Variants in LLGL2 observed in about 807,000 individuals in gnomAD.
LLGL2 encodes the protein LLGL scribble cell polarity complex component 2.
LLGL2 carries 81 observed loss-of-function variants against 123.2 expected under a neutral mutation model. That is an observed-to-expected ratio of 0.66 (90% CI 0.55 to 0.79). LLGL2 has a LOEUF of 0.79. Ranked by LOEUF, LLGL2 falls within the 30% of genes least tolerant of loss-of-function variation. LLGL2 has a pLI of 0.00. For synonymous variants in LLGL2, 577 were observed against 594.1 expected (o/e 0.97, Z 0.42); for missense variants, 1,273 against 1,414.6 (o/e 0.90, Z 1.61).
Position 75,558,189 on chromosome 17 carries a change from C to T in LLGL2, c.208C>T (p.His70Tyr), listed in dbSNP as rs1467206018. 1.2e-6 allele frequency: 2 copies of T among 1,613,756 alleles called. No individual in the cohort carries two copies. Among genetic ancestry groups the T allele is most frequent in the East Asian group, 2.2e-5 (1 of 44,876 alleles). The change falls in exon 4 of 26, where the codon CAC (histidine) becomes TAC (tyrosine). Residue 70 changes from histidine to tyrosine, a missense_variant. By Grantham distance (83) the His-to-Tyr change is moderately conservative (BLOSUM62 2). Coordinates refer to ENST00000392550, the MANE Select transcript of LLGL2 (RefSeq NM_001031803.2). This position sits in a 1 kb window ranked among gnomAD's most constrained non-coding sequence, Gnocchi z 4.0. ...CCCAGGCGTGGAGTTCATGGGGCTG[C>T]ACCAGGAGAACAACGCTGTGACGCA... ...GAPGVEFMGL[H>Y]QENNAVTQIH...
intron 6 of LLGL2, among the ~76,000 whole-genome samples, chr17:75,561,797 C>T (rs553285359): frequency 4.2e-4 from 64 of 152,052 alleles, no homozygotes; most frequent in African/African-American, 1.5e-3. Flanking sequence ...TTGTGGGTGC[C>T]TGTAATCCCT....
chr17:75,566,117 G>A (rs905989840), intron 10 of LLGL2, among the ~76,000 whole-genome samples: 1 of 152,254 alleles, frequency 6.6e-6, no homozygotes, highest in African/African-American at 2.4e-5. Flanking sequence ...GACCTGGGGT[G>A]CAGACTGAGC....
intron 10 of LLGL2, among the ~76,000 whole-genome samples, chr17:75,565,379 G>A (rs1407874012): frequency 6.6e-6 from 1 of 152,184 alleles, no homozygotes; most frequent in Admixed American, 6.5e-5. Flanking sequence ...GAGGGGGCGG[G>A]GCTGTTCAGG....
Position 75,573,218 on chromosome 17 carries a change from T to A in LLGL2, c.2665T>A (p.Cys889Ser), listed in dbSNP as rs767683134. ...PLLKPQVRYS[C>S]IRREDVSGIA... is the part of the protein sequence containing the mutation. ...GCTCAAGCCCCAGGTGCGCTACAGC[T>A]GCATCCGCCGGGAGGACGTCAGTGG... Residue 889 changes from cysteine (C) to serine (S), a missense_variant, in exon 20 of 26, where the codon TGC becomes AGC. Physicochemically the swap from Cys to Ser is moderately radical, Grantham distance 112. Transcript: ENST00000392550. 1 of 1,611,566 alleles carries A rather than the reference T, an allele frequency of 6.2e-7. No individual in the cohort carries two copies. Among genetic ancestry groups the A allele is most frequent in the Non-Finnish European group, 8.5e-7 (1 of 1,178,790 alleles).
chr17:75,554,759 G>T (rs1419284549), intron 2 of LLGL2, among the ~76,000 whole-genome samples: 1 of 149,782 alleles, frequency 6.7e-6, no homozygotes, highest in Non-Finnish European at 1.5e-5. Flanking sequence ...CGTGGTGGCG[G>T]GCGCCTGTAG....
At chr17:75,536,538 G>A (rs1291269375) in intron 1 of LLGL2, among the ~76,000 whole-genome samples, 1 of 152,212 alleles carries the variant, frequency 6.6e-6, no homozygotes, top group African/African-American at 2.4e-5. Context: ...GCGGTGGCTG[G>A]AGAGGAGCCC....
intron 1 of LLGL2, among the ~76,000 whole-genome samples, chr17:75,528,653 G>A (rs898446861): frequency 1.3e-5 from 2 of 151,768 alleles, no homozygotes; most frequent in East Asian, 2.0e-4. Flanking sequence ...CAGGAGAATC[G>A]CTTGAACCTG....
chr17:75,571,044 A>C lies in LLGL2; in HGVS notation c.2120A>C (p.Asp707Ala). ...AAGATCGAGGCTCGCTCGGCAGAGGACTCCTTCACAGGCTTCGTCCGGACC... is the reference window on the plus strand; with the variant it reads ...AAGATCGAGGCTCGCTCGGCAGAGGCCTCCTTCACAGGCTTCGTCCGGACC... ...QRKIEARSAE[D>A]SFTGFVRTLY... Residue 707 changes from aspartate (D) to alanine (A), a missense_variant, in exon 17 of 26, where the codon GAC becomes GCC. By Grantham distance (126) the Asp-to-Ala change is moderately radical. Transcript: ENST00000392550. The C allele has an allele frequency of 4.3e-6, 7 of 1,611,386 alleles. No individual in the cohort carries two copies. Among genetic ancestry groups the C allele is most frequent in the Non-Finnish European group, 5.9e-6 (7 of 1,179,684 alleles).
rs1461095777 is a variant in LLGL2, at chr17:75,549,047, C to T, written c.75+5546C>T. 1.3e-5 allele frequency among the ~76,000 whole-genome samples: 2 copies of T among 152,108 alleles called. No individual in the cohort carries two copies. Among genetic ancestry groups the T allele is most frequent in the Admixed American group, 6.5e-5 (1 of 15,278 alleles). ...AGCTTATCCGGGGCAGGGGCACTGG[C>T]TGGGGTGAGGATGTCCTGGTTTCAC... On this transcript the variant is annotated intron_variant, in intron 2 of 25. Coordinates refer to ENST00000392550, the MANE Select transcript of LLGL2 (RefSeq NM_001031803.2). The surrounding 1 kb of genome is among the most constrained non-coding windows in gnomAD (Gnocchi z 4.0).
In LLGL2 at chr17:75,558,845, CA is replaced by C. The variant is rs2147380752; in HGVS notation, c.371+219del. The C allele has an allele frequency of 2.1e-4, 70 of 328,238 alleles. No homozygotes were observed. The highest frequency in any genetic ancestry group is 3.9e-4 in the South Asian group (10 of 25,666). 20.3% of individuals were successfully genotyped at this position (328,238 alleles called of 1,614,324 possible). Reference sequence around the variant, plus strand: ...CACCACGCCTCCTCCATCCGCACCCCACCTCCTCCATCCGCACCCCGCCTCC... The same window carrying C: ...CACCACGCCTCCTCCATCCGCACCCCCCTCCTCCATCCGCACCCCGCCTCC... On this transcript the variant is annotated intron_variant, in intron 5 of 25. Coordinates refer to ENST00000392550, the MANE Select transcript of LLGL2 (RefSeq NM_001031803.2). This position sits in a 1 kb window ranked among gnomAD's most constrained non-coding sequence, Gnocchi z 4.0.
At chr17:75,531,590 G>C (rs1308625764) in intron 1 of LLGL2, among the ~76,000 whole-genome samples, 1 of 152,242 alleles carries the variant, frequency 6.6e-6, no homozygotes, top group Non-Finnish European at 1.5e-5. Flanking sequence ...CGCCAGGTCT[G>C]CTTGGCAACG....
intron 1 of LLGL2, among the ~76,000 whole-genome samples, chr17:75,535,251 T>A (rs1173813995): frequency 2.6e-5 from 4 of 152,236 alleles, no homozygotes; most frequent in African/African-American, 4.8e-5. Context: ...ACAGCCACAC[T>A]CAGGCCTCAC....
At chr17:75,574,166 C>A in intron 22 of LLGL2, 47 bp from the exon 23 acceptor site, 1 of 1,518,536 alleles carries the variant, frequency 6.6e-7, no homozygotes, top group Non-Finnish European at 8.8e-7. Context: ...AGAGCCAGGC[C>A]GAGGAGGGCC....
At chr17:75,550,285 C>T (rs1051930412) in intron 2 of LLGL2, among the ~76,000 whole-genome samples, 26 of 152,196 alleles carry the variant, frequency 1.7e-4, no homozygotes, top group African/African-American at 5.5e-4. Context: ...CTGAGCCCAA[C>T]CTCCTGTGCT....
chr17:75,572,752 G>A (rs535899106), intron 19 of LLGL2, among the ~76,000 whole-genome samples: 8 of 150,998 alleles, frequency 5.3e-5, no homozygotes, highest in South Asian at 4.2e-4. Flanking sequence ...TGCCTGAGGC[G>A]GAGGTTGCAG....
chr17:75,562,002 C>T (rs1293851114), intron 6 of LLGL2, among the ~76,000 whole-genome samples: 1 of 152,176 alleles, frequency 6.6e-6, no homozygotes, highest in Non-Finnish European at 1.5e-5. Flanking sequence ...TCAGTGAGGT[C>T]AGTGCTAGCA....
chr17:75,546,012 G>A (rs1049609773), intron 2 of LLGL2: 2 of 152,206 alleles, frequency 1.3e-5, no homozygotes, highest in African/African-American at 2.4e-5. Context: ...GTCAAGATGT[G>A]ACAACCAAGA....
At chr17:75,545,325 A>G (rs939450465) in intron 2 of LLGL2, among the ~76,000 whole-genome samples, 21 of 152,116 alleles carry the variant, frequency 1.4e-4, no homozygotes, top group African/African-American at 4.1e-4. Context: ...AGAAGCATGC[A>G]TTGAGCACTT....
At chr17:75,563,517 G>A (rs1301865108) in intron 8 of LLGL2, 54 bp downstream of exon 8, 12 of 1,601,292 alleles carry the variant, frequency 7.5e-6, no homozygotes, top group Non-Finnish European at 8.5e-6. Flanking sequence ...CTGGATTCAG[G>A]TGCAGGTTGC....
Sources: allele counts gnomAD v4.1 joint callset (sites outside exome capture counted in the v4.1 genomes callset), GRCh38; gene constraint gnomAD v4.1.1; non-coding constraint Gnocchi (gnomAD v3.1); transcripts MANE v1.5; gene names NCBI Gene and HGNC (gene_info 2026-07-23, HGNC 2026-07-21).